The following EPB41L4A variants were observed in gnomAD, a reference collection of about 807,000 sequenced individuals.
The protein encoded by EPB41L4A is band 4.1-like protein 4A.
In EPB41L4A, 100 loss-of-function variants were observed where a neutral mutation model predicts 108.6. The ratio of observed to expected loss-of-function variants is 0.92; its 90% CI spans 0.78 to 1.09. The LOEUF (loss-of-function observed/expected upper bound fraction) is 1.09. Ranked by LOEUF, EPB41L4A falls within the 50% of genes least tolerant of loss-of-function variation. The probability of loss-of-function intolerance (pLI) is 0.00; values close to 1 mark genes in which losing one functional copy is unlikely to be tolerated. For synonymous variants in EPB41L4A, 319 were observed against 289.0 expected, an observed-to-expected ratio of 1.10 and a Z score of -1.05; for missense variants, 1,030 against 842.7, an observed-to-expected ratio of 1.22 and a Z score of -2.75.
At chr5:112,238,228 T>G (rs1402971236) in intron 11 of EPB41L4A, among the ~76,000 whole-genome samples, 1 of 152,204 alleles carries the variant, frequency 6.6e-6, no homozygotes, top group African/African-American at 2.4e-5. Context: ...GTCCAAGTAC[T>G]GACTATTACC....
At chr5:112,410,734 G>A (rs962010399) in intron 1 of EPB41L4A, among the ~76,000 whole-genome samples, 67 of 152,110 alleles carry the variant, frequency 4.4e-4, no homozygotes, top group African/African-American at 1.4e-3. Context: ...TGCCCTTATC[G>A]CCCAAGAATG....
chr5:112,157,870 A>G (rs1759705494), downstream of EPB41L4A, among the ~76,000 whole-genome samples: 1 of 152,198 alleles, frequency 6.6e-6, no homozygotes, highest in South Asian at 2.1e-4. Flanking sequence ...CATTTGCACT[A>G]CCACTGTGTG....
chr5:112,254,133 C>A (rs1750896940), intron 9 of EPB41L4A, among the ~76,000 whole-genome samples: 1 of 152,182 alleles, frequency 6.6e-6, no homozygotes, highest in South Asian at 2.1e-4. Flanking sequence ...AGCACAGCAG[C>A]ATTTATTCAT....
intron 15 of EPB41L4A, among the ~76,000 whole-genome samples, chr5:112,202,321 T>A (rs1366069823): frequency 2.6e-5 from 4 of 152,130 alleles, no homozygotes; most frequent in African/African-American, 9.7e-5. Context: ...GGTCTCCAGG[T>A]AACACCCACT....
intron 1 of EPB41L4A, among the ~76,000 whole-genome samples, chr5:112,405,429 G>C (rs1409498027): frequency 2.6e-5 from 4 of 152,202 alleles, no homozygotes; most frequent in African/African-American, 7.2e-5. Flanking sequence ...TTTTAAAGCT[G>C]CTAAGTTTTG....
At chr5:112,253,308 G>A (rs972529315) in intron 9 of EPB41L4A, among the ~76,000 whole-genome samples, 8 of 152,162 alleles carry the variant, frequency 5.3e-5, no homozygotes, top group African/African-American at 1.9e-4. Flanking sequence ...AGCTAGGAAT[G>A]CATAACCTTA....
chr5:112,240,198 G>C (rs1486151620), intron 10 of EPB41L4A, among the ~76,000 whole-genome samples: 2 of 152,082 alleles, frequency 1.3e-5, no homozygotes, highest in African/African-American at 2.4e-5. Context: ...CTAATGTCGG[G>C]AGGGCCACCA....
At chr5:112,230,953 A>T (rs1474928386) in intron 12 of EPB41L4A, among the ~76,000 whole-genome samples, 1 of 152,208 alleles carries the variant, frequency 6.6e-6, no homozygotes, top group African/African-American at 2.4e-5. Context: ...AAGCAATTCA[A>T]AAATCAGACT....
chr5:112,323,431 A>T (rs950087273), intron 1 of EPB41L4A, among the ~76,000 whole-genome samples: 1 of 152,238 alleles, frequency 6.6e-6, no homozygotes, highest in Non-Finnish European at 1.5e-5. Context: ...GTCTACATTA[A>T]CATGACTTCA....
At chr5:112,286,692 T>C (rs1753305368) in intron 2 of EPB41L4A, among the ~76,000 whole-genome samples, 2 of 152,196 alleles carry the variant, frequency 1.3e-5, no homozygotes, top group African/African-American at 4.8e-5. Context: ...TTCAGGAACA[T>C]GGTTCCAGCA....
intron 17 of EPB41L4A, chr5:112,192,147 G>A (rs1251242576): frequency 6.6e-6 from 1 of 152,340 alleles, no homozygotes; most frequent in Non-Finnish European, 1.5e-5. Flanking sequence ...TCCTCATGTG[G>A]GATGAGTGGG....
At position 112,389,899 on chromosome 5, in the gene EPB41L4A, C is replaced by T. The variant is rs557607799; in HGVS notation, c.99+29042G>A. Among the ~76,000 whole-genome samples the T allele has an allele frequency of 2.6e-5, 4 of 152,234 alleles. No individual in the cohort carries two copies. In the East Asian group the frequency reaches 5.8e-4, roughly 22 times the overall value. Reference sequence around the variant, plus strand: ...ACAAAAGAGGAGCCTGAAGGAAACTCGGAGGCTACACAACCAGGGCAGTTT... The same window carrying T: ...ACAAAAGAGGAGCCTGAAGGAAACTTGGAGGCTACACAACCAGGGCAGTTT... On this transcript the variant is annotated intron_variant, in intron 1 of 22. Coordinates refer to ENST00000261486, the MANE Select transcript of EPB41L4A (RefSeq NM_022140.5).
intron 1 of EPB41L4A, among the ~76,000 whole-genome samples, chr5:112,346,215 C>CTTTTTTTTTTTTTTT (rs1479210695): frequency 1.1e-3 from 52 of 49,040 alleles, no homozygotes; most frequent in African/African-American, 2.1e-3. Flanking sequence ...AGGTACATTG[C>CTTTTTTTTTTTTTTT]ATTTTTTTTT....
rs1475953959 is a variant in EPB41L4A at position 112,418,984 on chromosome 5, TCCAGGA to T, written c.50_55del (p.Leu17_Asp19delinsHis). ...GGTGGTAAGGGTTAACTTGGATTCA[TCCAGGA>T]GCAAAACTTCGCAGTAAAATTCTTC... On this transcript the variant is annotated inframe_deletion, in exon 1 of 23. Coordinates refer to ENST00000261486, the MANE Select transcript of EPB41L4A (RefSeq NM_022140.5). 4 of 1,613,418 alleles carry T rather than the reference TCCAGGA, an allele frequency of 2.5e-6. No individual in the cohort carries two copies. The highest frequency in any genetic ancestry group is 3.4e-6 in the Non-Finnish European group (4 of 1,179,710).
intron 1 of EPB41L4A, among the ~76,000 whole-genome samples, chr5:112,351,564 A>G (rs963717410): frequency 2.0e-5 from 3 of 152,172 alleles, no homozygotes; most frequent in Admixed American, 6.5e-5. Context: ...ACCAATTCTA[A>G]AACTATTTCA....
At chr5:112,283,024 T>A (rs1215207103) in intron 2 of EPB41L4A, among the ~76,000 whole-genome samples, 1 of 152,212 alleles carries the variant, frequency 6.6e-6, no homozygotes, top group Admixed American at 6.5e-5. Context: ...AACTGGTTAA[T>A]CTATCAAAAA....
chr5:112,269,833 T>C (rs1001335094), intron 4 of EPB41L4A, among the ~76,000 whole-genome samples: 24 of 152,160 alleles, frequency 1.6e-4, no homozygotes, highest in African/African-American at 5.3e-4. Flanking sequence ...CAGTTTCTGG[T>C]TACCTCCTTA....
chr5:112,287,250 G>C (rs1359120607), intron 2 of EPB41L4A, among the ~76,000 whole-genome samples: 1 of 152,040 alleles, frequency 6.6e-6, no homozygotes, highest in Non-Finnish European at 1.5e-5. Flanking sequence ...ATGTCCAAAA[G>C]AAAACTGATG....
At chr5:112,406,532 A>T (rs541745358) in intron 1 of EPB41L4A, among the ~76,000 whole-genome samples, 1 of 151,946 alleles carries the variant, frequency 6.6e-6, no homozygotes, top group Non-Finnish European at 1.5e-5. Flanking sequence ...AGCAGAAGAC[A>T]CTCTCTCTCA....
Sources: gnomAD v4.1 joint callset for allele counts (sites outside exome capture counted in the v4.1 genomes callset) on GRCh38, gnomAD v4.1.1 for gene constraint, MANE v1.5 for transcripts, NCBI Gene and HGNC (gene_info 2026-07-23, HGNC 2026-07-21) for gene names.